AKNAD1: variants seen among roughly 807,000 people sequenced by gnomAD.
AKNAD1 encodes protein AKNAD1.
In AKNAD1, 67 loss-of-function variants were observed where a neutral mutation model predicts 90.8. The observed-to-expected ratio is 0.74, with a 90% CI of 0.61 to 0.90. The LOEUF (loss-of-function observed/expected upper bound fraction) is 0.90. Ranked by LOEUF, AKNAD1 falls within the 40% of genes least tolerant of loss-of-function variation. The pLI is 0.00. For synonymous variants in AKNAD1, 327 were observed against 341.4 expected, an observed-to-expected ratio of 0.96 and a Z score of 0.46; for missense variants, 957 against 975.4, an observed-to-expected ratio of 0.98 and a Z score of 0.25.
At position 108,837,658 on chromosome 1, in the gene AKNAD1, A is replaced by C. The variant is rs1664427442; in HGVS notation, c.1428T>G (p.Val476=). 2 of 1,614,076 alleles carry C rather than the reference A, an allele frequency of 1.2e-6. No homozygotes were observed. The highest frequency in any genetic ancestry group is 1.7e-6 in the Non-Finnish European group (2 of 1,180,020). Residue 476 remains valine, a synonymous_variant, in exon 7 of 16, where the codon GTT becomes GTG. Coordinates refer to ENST00000370001, the MANE Select transcript of AKNAD1 (RefSeq NM_152763.5). ...ATTTGCTTTCATCCATTTTCTCTTT[A>C]ACATCTTCAAGCAGCATCTCCAATT... ...IFKLEMLLED[V]KEKMDESKYT... is the part of the protein sequence containing the mutation.
At position 108,852,517 on chromosome 1, in the gene AKNAD1, T is replaced by A; in HGVS notation, c.148A>T (p.Ile50Leu). ...GLEVLNQIIFIADDPQEKAMH... is the reference protein window; with the variant it reads ...GLEVLNQIIFLADDPQEKAMH... ...GCCTTCTCTTGAGGGTCATCTGCTA[T>A]GAAAATAATTTGATTTAAGACTTCA... Residue 50 changes from isoleucine to leucine, a missense_variant, in exon 2 of 16, where the codon ATA becomes TTA. By Grantham distance (5) the Ile-to-Leu change is conservative. Coordinates refer to ENST00000370001, the MANE Select transcript of AKNAD1 (RefSeq NM_152763.5). 1 of 1,614,196 alleles carries A rather than the reference T, an allele frequency of 6.2e-7. No homozygotes were observed. Among genetic ancestry groups the A allele is most frequent in the Non-Finnish European group, 8.5e-7 (1 of 1,180,024 alleles).
chr1:108,817,003 A>C, intron 15 of AKNAD1, 45 bp downstream of exon 15: 1 of 1,607,334 alleles, frequency 6.2e-7, no homozygotes, highest in Non-Finnish European at 8.5e-7. Flanking sequence ...TCAAGATCAA[A>C]CTTACGAGCT....
At chr1:108,856,346 A>G (rs781338323) in intron 1 of AKNAD1, among the ~76,000 whole-genome samples, 57 of 152,056 alleles carry the variant, frequency 3.7e-4, no homozygotes, top group Non-Finnish European at 5.9e-4. Flanking sequence ...CCAAATTCCC[A>G]CTTTTAAAAT....
intron 14 of AKNAD1, among the ~76,000 whole-genome samples, chr1:108,817,695 T>C (rs990087297): frequency 5.3e-5 from 8 of 151,242 alleles, no homozygotes; most frequent in South Asian, 2.1e-4. Context: ...TTAGTAGAGA[T>C]GGGGTTTCAC....
chr1:108,836,553 A>G (rs1463216893), intron 7 of AKNAD1, among the ~76,000 whole-genome samples: 2 of 152,184 alleles, frequency 1.3e-5, no homozygotes, highest in African/African-American at 4.8e-5. Context: ...TGGGCCTTGA[A>G]TGAGTGAGAT....
intron 9 of AKNAD1, 49 bp from the exon 10 acceptor site, chr1:108,830,699 C>G (rs755783040): frequency 6.3e-7 from 1 of 1,587,204 alleles, no homozygotes; most frequent in Admixed American, 1.7e-5. Context: ...ATGTGACTCA[C>G]GCCGCGGCTG....
At position 108,830,421 on chromosome 1, in the gene AKNAD1, C is replaced by T. The variant is rs1324940961; in HGVS notation, c.1838+138G>A. The T allele has an allele frequency of 9.4e-6, 7 of 746,806 alleles. No homozygotes were observed. In the Admixed American group the frequency reaches 1.2e-4, roughly 13 times the overall value. The allele number at this position is 746,806 out of a possible 1,614,324, so 46.3% of individuals were successfully genotyped here. On this transcript the variant is annotated intron_variant, in intron 10 of 15. Coordinates refer to ENST00000370001, the MANE Select transcript of AKNAD1 (RefSeq NM_152763.5). ...TCTGTAGGGTGCGAGGGAGGCTGGG[C>T]TCTGTGCCCAGGCCTGAGATCTGTG...
At chr1:108,840,742 C>T (rs960421962) in intron 6 of AKNAD1, among the ~76,000 whole-genome samples, 1 of 151,868 alleles carries the variant, frequency 6.6e-6, no homozygotes, top group Admixed American at 6.6e-5. Context: ...GAAAGGCTGC[C>T]CTATTCAATA....
In AKNAD1 at chr1:108,844,562, G is replaced by A. The variant is rs566029755; in HGVS notation, c.1246-1295C>T. 1.7e-3 allele frequency among the ~76,000 whole-genome samples: 266 copies of A among 152,218 alleles called. 2 individuals are homozygous for A. The highest frequency in any genetic ancestry group is 3.6e-3 in the Non-Finnish European group (245 of 68,016). ...ACCAGGCAGTATCCATGAAAATGGA[G>A]AGGAAGGGATGAATTGGACAGAGGT... On this transcript the variant is annotated intron_variant, in intron 5 of 15. Coordinates refer to ENST00000370001, the MANE Select transcript of AKNAD1 (RefSeq NM_152763.5).
chr1:108,853,732 G>A (rs1023189556), intron 1 of AKNAD1, among the ~76,000 whole-genome samples: 14 of 151,948 alleles, frequency 9.2e-5, no homozygotes, highest in African/African-American at 1.4e-4. Context: ...TCAGGAGTTC[G>A]AGACCAGCCT....
intron 1 of AKNAD1, among the ~76,000 whole-genome samples, chr1:108,855,180 G>A (rs1206785341): frequency 4.6e-5 from 7 of 152,232 alleles, no homozygotes; most frequent in Admixed American, 2.6e-4. Flanking sequence ...TTGGGCGGCC[G>A]AGGCAGGTGG....
rs1230705106 is a variant in AKNAD1, at chr1:108,823,565, C to A, written c.2059+1G>T. 12 of 1,613,864 alleles carry A rather than the reference C, an allele frequency of 7.4e-6. No homozygotes were observed. Among genetic ancestry groups the A allele is most frequent in the Non-Finnish European group, 1.0e-5 (12 of 1,179,948 alleles). On this transcript the variant is annotated splice_donor_variant, in intron 12 of 15. Transcript: ENST00000370001. LOFTEE classifies it high-confidence loss of function. ...TTTCTGAGGCCCCAGGTGAGTGTTA[C>A]CTTTAGTTGGTTCTTTCCTGCAGGC...
In AKNAD1 at chr1:108,825,345, C is replaced by T. The variant is rs987042104; in HGVS notation, c.1937-1657G>A. Among the ~76,000 whole-genome samples, 3 of 151,772 alleles carry T rather than the reference C, an allele frequency of 2.0e-5. 1 individual carries two copies. The highest frequency in any genetic ancestry group is 1.5e-5 in the Non-Finnish European group (1 of 67,986). On this transcript the variant is annotated intron_variant, in intron 11 of 15. Coordinates refer to ENST00000370001, the MANE Select transcript of AKNAD1 (RefSeq NM_152763.5). The stretch of plus-strand genomic sequence containing the variant: ...CAGCTATAGATAGCTAATACACTCA[C>T]TCACACTCACTCTTTGGTCCTGTCA...
chr1:108,819,099 C>T (rs1422033392), intron 14 of AKNAD1, among the ~76,000 whole-genome samples: 1 of 152,132 alleles, frequency 6.6e-6, no homozygotes, highest in East Asian at 1.9e-4. Flanking sequence ...CTCTGCTGCG[C>T]TATTGGTTCT....
rs565012560 is a variant in AKNAD1, at chr1:108,852,429, T to C, written c.236A>G (p.Asn79Ser). Residue 79 changes from asparagine (N) to serine (S), a missense_variant, in exon 2 of 16, where the codon AAT becomes AGT. Physicochemically the swap from Asn to Ser is conservative, Grantham distance 46 (BLOSUM62 1). Coordinates refer to ENST00000370001, the MANE Select transcript of AKNAD1 (RefSeq NM_152763.5). ...TTTCTCGTCTTTTTTGTTGGCAGCATTTTCAGTAATTTTACCCAGGGGTAT... is the reference window on the plus strand; with the variant it reads ...TTTCTCGTCTTTTTTGTTGGCAGCACTTTCAGTAATTTTACCCAGGGGTAT... ...VTIPLGKITE[N>S]AANKKDEKEK... is the part of the protein sequence containing the mutation. 5 of 1,613,762 alleles carry C rather than the reference T, an allele frequency of 3.1e-6. No homozygotes were observed. In the South Asian group the frequency reaches 4.4e-5, roughly 14 times the overall value.
intron 15 of AKNAD1, 52 bp downstream of exon 15, chr1:108,816,996 A>C: frequency 6.2e-7 from 1 of 1,603,682 alleles, no homozygotes; most frequent in Non-Finnish European, 8.5e-7. Context: ...GTGGGCATCA[A>C]GATCAAACTT....
At chr1:108,820,791 G>C (rs182430177) in intron 13 of AKNAD1, among the ~76,000 whole-genome samples, 165 bp from the exon 14 acceptor site, 160 of 152,322 alleles carry the variant, frequency 1.1e-3, no homozygotes, top group African/African-American at 3.7e-3. Context: ...GCTGGGCGCG[G>C]TGGCTCACGC....
chr1:108,839,478 A>AAAG (rs915226877), intron 6 of AKNAD1, among the ~76,000 whole-genome samples: 8 of 151,668 alleles, frequency 5.3e-5, no homozygotes, highest in South Asian at 2.1e-4. Flanking sequence ...CAATAAAAAA[A>AAAG]AAAAGAAAAG....
chr1:108,836,279 C>G (rs1664383605), intron 7 of AKNAD1, among the ~76,000 whole-genome samples: 1 of 152,200 alleles, frequency 6.6e-6, no homozygotes, highest in South Asian at 2.1e-4. Flanking sequence ...CCGCTGTGAG[C>G]CTGGAAACTG....
Sources: gnomAD v4.1 joint callset for allele counts (sites outside exome capture counted in the v4.1 genomes callset) on GRCh38, gnomAD v4.1.1 for gene constraint, MANE v1.5 for transcripts, NCBI Gene and HGNC (gene_info 2026-07-23, HGNC 2026-07-21) for gene names.